ITGA9: variants seen among roughly 807,000 people sequenced by gnomAD.
ITGA9 encodes integrin alpha-9.
Under a neutral mutation model 127.8 loss-of-function variants are expected in ITGA9, and 56 were observed. That is an observed-to-expected ratio of 0.44 (90% CI 0.35 to 0.55). The LOEUF is 0.55. Ranked by LOEUF, ITGA9 falls within the 20% of genes least tolerant of loss-of-function variation. ITGA9 has a pLI of 0.00. For missense variants in ITGA9, 1,196 were observed against 1,347.1 expected (o/e 0.89, Z 1.76); for synonymous variants, 508 against 514.5 (o/e 0.99, Z 0.17).
At chr3:37,646,282 A>T (rs2212022) in intron 16 of ITGA9, among the ~76,000 whole-genome samples, 2 of 152,052 alleles carry the variant, frequency 1.3e-5, no homozygotes, top group African/African-American at 4.8e-5. Flanking sequence ...GACTGAGACC[A>T]TATAGCCTAC....
intron 17 of ITGA9, among the ~76,000 whole-genome samples, chr3:37,667,594 C>T (rs1253004361): frequency 6.6e-6 from 1 of 152,206 alleles, no homozygotes; most frequent in Non-Finnish European, 1.5e-5. Flanking sequence ...CAGCGCAGCT[C>T]AGGCGTAAGC....
At chr3:37,559,319 G>A (rs1699463178) in intron 15 of ITGA9, among the ~76,000 whole-genome samples, 1 of 152,034 alleles carries the variant, frequency 6.6e-6, no homozygotes, top group Admixed American at 6.6e-5. Context: ...CCATTTTGAG[G>A]TCATTTAATA....
At chr3:37,730,130 A>G (rs1696269440) in intron 18 of ITGA9, among the ~76,000 whole-genome samples, 1 of 152,240 alleles carries the variant, frequency 6.6e-6, no homozygotes, top group South Asian at 2.1e-4. Context: ...TAAGCATGTA[A>G]TATATGTATA....
At chr3:37,646,069 A>G (rs1700373312) in intron 16 of ITGA9, among the ~76,000 whole-genome samples, 1 of 152,236 alleles carries the variant, frequency 6.6e-6, no homozygotes. Context: ...AGCTGGATTC[A>G]TTGAAATCTT....
intron 15 of ITGA9, among the ~76,000 whole-genome samples, chr3:37,551,761 A>G (rs1341853313): frequency 6.6e-6 from 1 of 152,198 alleles, no homozygotes; most frequent in Non-Finnish European, 1.5e-5. Context: ...CTGCCTCGCC[A>G]GACCTCCCCA....
intron 1 of ITGA9, among the ~76,000 whole-genome samples, chr3:37,453,612 C>T (rs796893315): frequency 3.9e-5 from 6 of 152,184 alleles, no homozygotes; most frequent in African/African-American, 1.4e-4. Context: ...ACAGCCAGGC[C>T]GGGGTTGATT....
chr3:37,794,465 G>A (rs1697148885), intron 26 of ITGA9, among the ~76,000 whole-genome samples: 1 of 152,202 alleles, frequency 6.6e-6, no homozygotes. Context: ...ATCATGCTCA[G>A]ACTTATTTGG....
At chr3:37,504,652 A>G (rs1201989391) in intron 6 of ITGA9, among the ~76,000 whole-genome samples, 2 of 152,196 alleles carry the variant, frequency 1.3e-5, no homozygotes, top group Non-Finnish European at 2.9e-5. Flanking sequence ...GGGGTCTAGA[A>G]CAGCTCCTTT....
At chr3:37,466,482 T>TAAAAAAAA (rs1698372265) in intron 1 of ITGA9, among the ~76,000 whole-genome samples, 1 of 1,936 alleles carries the variant, frequency 5.2e-4, no homozygotes, top group African/African-American at 2.4e-3. Flanking sequence ...AGACACCATC[T>TAAAAAAAA]CAAAAAAAAA....
At chr3:37,489,948 C>T (rs1698651322) in intron 4 of ITGA9, among the ~76,000 whole-genome samples, 1 of 152,206 alleles carries the variant, frequency 6.6e-6, no homozygotes, top group Non-Finnish European at 1.5e-5. Flanking sequence ...GTTCTTATTC[C>T]TGTTGCAGGT....
Position 37,498,839 on chromosome 3 carries a change from G to A in ITGA9, c.612+4271G>A, listed in dbSNP as rs550211582. ...GGTCTTTGAACTCACTGCCTGCCTT[G>A]TTTCTGGAAGTTCAGCTGTTTGTGG... On this transcript the variant is annotated intron_variant, in intron 5 of 27. Coordinates refer to ENST00000264741, the MANE Select transcript of ITGA9 (RefSeq NM_002207.3). Among the ~76,000 whole-genome samples, 25 of 152,316 alleles carry A rather than the reference G, an allele frequency of 1.6e-4. No homozygotes were observed. The South Asian group carries it at 5.0e-3, about 30-fold the overall frequency.
chr3:37,637,659 A>G (rs1184438593), intron 16 of ITGA9, among the ~76,000 whole-genome samples: 1 of 150,832 alleles, frequency 6.6e-6, no homozygotes, highest in Non-Finnish European at 1.5e-5. Flanking sequence ...CCAGCAAACT[A>G]TGTTTTTGTT....
At chr3:37,519,857 C>T (rs766348127) in intron 11 of ITGA9, among the ~76,000 whole-genome samples, 4 of 152,118 alleles carry the variant, frequency 2.6e-5, no homozygotes, top group South Asian at 2.1e-4. Context: ...TGTTTTTTGC[C>T]GTATCAGCTT....
chr3:37,538,699 G>A (rs567234854), intron 14 of ITGA9, among the ~76,000 whole-genome samples: 1 of 152,300 alleles, frequency 6.6e-6, no homozygotes, highest in South Asian at 2.1e-4. Flanking sequence ...AGTGGGTGCT[G>A]GTAAAACTGC....
intron 5 of ITGA9, among the ~76,000 whole-genome samples, chr3:37,496,449 C>T (rs1356579297): frequency 1.3e-5 from 2 of 152,146 alleles, no homozygotes; most frequent in African/African-American, 4.8e-5. Context: ...CCTCCTATGC[C>T]CTCAAAACCT....
chr3:37,618,797 T>G (rs1442217507), intron 15 of ITGA9, among the ~76,000 whole-genome samples: 2 of 152,238 alleles, frequency 1.3e-5, no homozygotes, highest in Non-Finnish European at 2.9e-5. Context: ...TGCTGTTTGC[T>G]AAGACTGTTG....
At chr3:37,490,060 G>A (rs1481967777) in intron 4 of ITGA9, among the ~76,000 whole-genome samples, 5 of 151,982 alleles carry the variant, frequency 3.3e-5, no homozygotes, top group African/African-American at 4.8e-5. Context: ...ACGATCCTGA[G>A]TGGCGGGGTG....
intron 26 of ITGA9, chr3:37,790,317 C>A: frequency 1.9e-6 from 1 of 534,344 alleles, no homozygotes; most frequent in Non-Finnish European, 3.8e-6. Flanking sequence ...AGAGACTAAT[C>A]TGCTCTCACA....
intron 26 of ITGA9, chr3:37,790,029 C>T (rs17081025): frequency 0.028 from 16,063 of 573,674 alleles, 881 homozygotes; most frequent in South Asian, 0.12. Context: ...GGTATTCTTG[C>T]GCTATTTTCT....
Sources: allele counts gnomAD v4.1 joint callset (sites outside exome capture counted in the v4.1 genomes callset), GRCh38; gene constraint gnomAD v4.1.1; transcripts MANE v1.5; gene names NCBI Gene and HGNC (gene_info 2026-07-23, HGNC 2026-07-21).